NEGR1: variants seen among roughly 807,000 people sequenced by gnomAD.
The protein encoded by NEGR1 is neuronal growth regulator 1, also known as IgLON family member 4.
In NEGR1, 10 loss-of-function variants were observed where a neutral mutation model predicts 40.9. The observed-to-expected ratio is 0.24, with a 90% CI of 0.15 to 0.42. NEGR1 has a LOEUF of 0.42. NEGR1 is among the 10% of genes least tolerant of loss of function. The probability of loss-of-function intolerance (pLI) is 1.00; values close to 1 mark genes in which losing one functional copy is unlikely to be tolerated. For missense variants in NEGR1, 352 were observed against 438.9 expected, an observed-to-expected ratio of 0.80 and a Z score of 1.77; for synonymous variants, 185 against 166.8, an observed-to-expected ratio of 1.11 and a Z score of -0.84.
At chr1:71,435,008 G>A (rs529875221) in intron 6 of NEGR1, among the ~76,000 whole-genome samples, 245 of 152,032 alleles carry the variant, frequency 1.6e-3, no homozygotes, top group Middle Eastern at 6.8e-3. Context: ...GGAGAATGGC[G>A]TGAACCTGGG....
chr1:72,009,733 T>A (rs115673367), intron 1 of NEGR1, among the ~76,000 whole-genome samples: 2,114 of 152,220 alleles, frequency 0.014, 45 homozygotes, highest in African/African-American at 0.048. Flanking sequence ...TATTATACAC[T>A]GATCTATTCA....
At chr1:71,580,491 C>G (rs1048726941) in intron 6 of NEGR1, among the ~76,000 whole-genome samples, 1 of 151,874 alleles carries the variant, frequency 6.6e-6, no homozygotes, top group Non-Finnish European at 1.5e-5. Context: ...AGAAATGTGG[C>G]ATGCATGTGA....
At chr1:71,448,804 A>G (rs1646602587) in intron 6 of NEGR1, among the ~76,000 whole-genome samples, 1 of 152,190 alleles carries the variant, frequency 6.6e-6, no homozygotes, top group African/African-American at 2.4e-5. Context: ...AAACTGTACC[A>G]TAGTAAACAT....
intron 2 of NEGR1, among the ~76,000 whole-genome samples, chr1:71,872,124 ATT>A (rs1408676452): frequency 2.6e-5 from 4 of 152,324 alleles, no homozygotes; most frequent in African/African-American, 7.2e-5. Context: ...AGTCCATTCA[ATT>A]GCTTAAAAGT....
chr1:71,457,375 C>T (rs1266631146), intron 6 of NEGR1, among the ~76,000 whole-genome samples: 1 of 152,224 alleles, frequency 6.6e-6, no homozygotes, highest in Non-Finnish European at 1.5e-5. Context: ...TCAATATTTT[C>T]CCTCAGCTCT....
At chr1:72,210,765 A>G (rs1028773217) in intron 1 of NEGR1, among the ~76,000 whole-genome samples, 1 of 151,912 alleles carries the variant, frequency 6.6e-6, no homozygotes, top group Non-Finnish European at 1.5e-5. Flanking sequence ...GTATTTTCTA[A>G]TTCAAATCAT....
intron 1 of NEGR1, among the ~76,000 whole-genome samples, chr1:72,047,578 TTTA>T (rs1387764431): frequency 6.6e-6 from 1 of 151,406 alleles, no homozygotes; most frequent in Non-Finnish European, 1.5e-5. Flanking sequence ...TTTAGAATCT[TTTA>T]TAATAATATA....
At position 71,452,082 on chromosome 1, in the gene NEGR1, A is replaced by C. The variant is rs1646633424; in HGVS notation, c.941-44512T>G. 2.0e-5 allele frequency among the ~76,000 whole-genome samples: 3 copies of C among 152,338 alleles called. No individual in the cohort carries two copies. The South Asian group carries it at 6.2e-4, about 32-fold the overall frequency. On this transcript the variant is annotated intron_variant, in intron 6 of 6. Transcript: ENST00000357731. ...GTTGTAATTTTACTATGAGACAAAG[A>C]GTAGTTCCTGATACTTGATAAATTG... is the stretch of plus-strand genomic sequence containing the variant.
chr1:72,019,151 G>A (rs1646735845), intron 1 of NEGR1, among the ~76,000 whole-genome samples: 1 of 152,152 alleles, frequency 6.6e-6, no homozygotes, highest in Non-Finnish European at 1.5e-5. Flanking sequence ...GCAATGGAGT[G>A]AATGGCGGCC....
At chr1:71,436,838 G>A (rs1221594167) in intron 6 of NEGR1, among the ~76,000 whole-genome samples, 2 of 152,024 alleles carry the variant, frequency 1.3e-5, no homozygotes, top group Admixed American at 6.5e-5. Context: ...ATTTTCTCTA[G>A]TTTATTGGAT....
chr1:71,810,343 G>T (rs1479172263), intron 2 of NEGR1, among the ~76,000 whole-genome samples: 2 of 152,010 alleles, frequency 1.3e-5, no homozygotes, highest in African/African-American at 2.4e-5. Context: ...TTGACAGTAT[G>T]GTGTGCCTCC....
chr1:71,711,341 C>CAAAAAAA (rs59376519), intron 3 of NEGR1, among the ~76,000 whole-genome samples: 129 of 58,356 alleles, frequency 2.2e-3, no homozygotes, highest in Non-Finnish European at 2.5e-3. Flanking sequence ...GAGATTCCAC[C>CAAAAAAA]AAAAAAAAAA....
intron 6 of NEGR1, among the ~76,000 whole-genome samples, chr1:71,520,522 A>G (rs1408325733): frequency 1.3e-5 from 2 of 152,074 alleles, no homozygotes; most frequent in African/African-American, 4.8e-5. Flanking sequence ...CAGGTTATGG[A>G]CTAATATATA....
At chr1:72,242,868 T>C (rs1228847261) in intron 1 of NEGR1, among the ~76,000 whole-genome samples, 2 of 151,626 alleles carry the variant, frequency 1.3e-5, no homozygotes. Context: ...GGCCCTGCAC[T>C]ATAGCATAGT....
intron 4 of NEGR1, among the ~76,000 whole-genome samples, chr1:71,677,841 C>T (rs995476488): frequency 6.6e-6 from 1 of 151,966 alleles, no homozygotes; most frequent in South Asian, 2.1e-4. Context: ...ATCTGAGACT[C>T]GAGTTGTGAA....
At chr1:71,888,241 A>G (rs904856046) in intron 2 of NEGR1, among the ~76,000 whole-genome samples, 14 of 152,266 alleles carry the variant, frequency 9.2e-5, no homozygotes, top group South Asian at 2.1e-4. Flanking sequence ...GAACAGCTCC[A>G]GTCTACAGCT....
intron 6 of NEGR1, among the ~76,000 whole-genome samples, chr1:71,555,502 C>T (rs976400668): frequency 1.3e-5 from 2 of 151,574 alleles, no homozygotes; most frequent in African/African-American, 2.4e-5. Context: ...AGATGGCATG[C>T]ATGTGTCCTC....
chr1:71,780,199 T>C (rs1441790600), intron 2 of NEGR1, among the ~76,000 whole-genome samples: 1 of 152,296 alleles, frequency 6.6e-6, no homozygotes, highest in Non-Finnish European at 1.5e-5. Flanking sequence ...AGCAGATGTA[T>C]TTAATCAATT....
At chr1:71,465,043 C>T (rs1050542127) in intron 6 of NEGR1, among the ~76,000 whole-genome samples, 4 of 152,072 alleles carry the variant, frequency 2.6e-5, no homozygotes, top group African/African-American at 9.7e-5. Flanking sequence ...AGTCTAGGAT[C>T]ATTCTGAGGA....
Sources: allele counts gnomAD v4.1 joint callset (sites outside exome capture counted in the v4.1 genomes callset), GRCh38; gene constraint gnomAD v4.1.1; transcripts MANE v1.5; gene names NCBI Gene and HGNC (gene_info 2026-07-23, HGNC 2026-07-21).